The following ARHGAP6 variants were observed in gnomAD, a reference collection of about 807,000 sequenced individuals.
The protein encoded by ARHGAP6 is rho GTPase-activating protein 6.
Under a neutral mutation model 55.7 loss-of-function variants are expected in ARHGAP6, and 16 were observed. That is an observed-to-expected ratio of 0.29 (90% CI 0.19 to 0.44). ARHGAP6 has a LOEUF of 0.44. Among genes scored for constraint, ARHGAP6 ranks in the 20% least tolerant of loss-of-function variants. ARHGAP6 has a pLI of 1.00. For missense variants in ARHGAP6, 698 were observed against 808.9 expected (o/e 0.86, Z 1.66); for synonymous variants, 382 against 360.9 (o/e 1.06, Z -0.66).
chrX:11,281,232 C>T (rs968810751), intron 1 of ARHGAP6, among the ~76,000 whole-genome samples: 1 of 110,723 alleles, frequency 9.0e-6, no homozygotes, highest in African/African-American at 3.3e-5. Flanking sequence ...ATATATGCTA[C>T]AAAAATACAG....
At chrX:11,428,550 C>T (rs1485538764) in intron 1 of ARHGAP6, among the ~76,000 whole-genome samples, 1 of 112,010 alleles carries the variant, frequency 8.9e-6, no homozygotes, top group East Asian at 2.8e-4. Context: ...GGCCTGGGGC[C>T]AGAGTAGAGA....
At chrX:11,360,028 A>G (rs1265473447) in intron 1 of ARHGAP6, among the ~76,000 whole-genome samples, 1 of 111,738 alleles carries the variant, frequency 8.9e-6, no homozygotes, top group Non-Finnish European at 1.9e-5. Context: ...CTTACCAACC[A>G]AAAAGAGTCC....
intron 1 of ARHGAP6, among the ~76,000 whole-genome samples, chrX:11,587,315 T>C (rs1033768731): frequency 2.7e-5 from 3 of 111,913 alleles, no homozygotes; most frequent in African/African-American, 9.8e-5. Flanking sequence ...GTGTTTGTCA[T>C]AGGTGGCTGT....
chrX:11,179,840 G>T (rs1024670847), intron 6 of ARHGAP6, among the ~76,000 whole-genome samples: 1 of 106,950 alleles, frequency 9.4e-6, no homozygotes, highest in African/African-American at 3.4e-5. Context: ...ATGCAGAAGG[G>T]CTTGGTAATG....
chrX:11,590,519 C>G (rs947935794), intron 1 of ARHGAP6, among the ~76,000 whole-genome samples: 1 of 109,428 alleles, frequency 9.1e-6, no homozygotes, highest in Non-Finnish European at 1.9e-5. Context: ...AGTGCAGTAG[C>G]TCACGCCTGT....
At chrX:11,233,982 T>C (rs1357229125) in intron 2 of ARHGAP6, among the ~76,000 whole-genome samples, 1 of 112,556 alleles carries the variant, frequency 8.9e-6, no homozygotes, top group Non-Finnish European at 1.9e-5. Flanking sequence ...GGCTTAAAAT[T>C]CTACTAGGTG....
chrX:11,227,800 CTT>C (rs772345343), intron 2 of ARHGAP6, among the ~76,000 whole-genome samples: 9 of 101,705 alleles, frequency 8.8e-5, no homozygotes, highest in Admixed American at 2.1e-4. Flanking sequence ...TTTCTTTTTT[CTT>C]TTTTTTTTTT....
chrX:11,176,300 CATATAT>C (rs59647126), intron 8 of ARHGAP6, among the ~76,000 whole-genome samples: 515 of 15,531 alleles, frequency 0.033, 12 homozygotes, highest in Non-Finnish European at 0.065. Flanking sequence ...TATTTGCATG[CATATAT>C]ATATATATAT....
chrX:11,391,730 C>T (rs1466369564), intron 1 of ARHGAP6, among the ~76,000 whole-genome samples: 1 of 112,492 alleles, frequency 8.9e-6, no homozygotes, highest in Admixed American at 9.4e-5. Flanking sequence ...AAATCAGAAG[C>T]TCTAGGAGTG....
intron 9 of ARHGAP6, among the ~76,000 whole-genome samples, chrX:11,165,144 AAAT>A (rs2046001266): frequency 9.0e-6 from 1 of 111,555 alleles, no homozygotes; most frequent in African/African-American, 3.3e-5. Context: ...ATCGAAACAA[AAAT>A]ACATTTTTTT....
At chrX:11,336,223 T>C (rs1171003148) in intron 1 of ARHGAP6, among the ~76,000 whole-genome samples, 1 of 111,532 alleles carries the variant, frequency 9.0e-6, no homozygotes, top group African/African-American at 3.3e-5. Flanking sequence ...TTAAAATAAC[T>C]AATGATCATA....
intron 1 of ARHGAP6, among the ~76,000 whole-genome samples, chrX:11,352,476 T>C (rs2048874707): frequency 8.9e-6 from 1 of 111,772 alleles, no homozygotes; most frequent in Admixed American, 9.5e-5. Flanking sequence ...CAGAAACCAC[T>C]GAGGACCAAA....
intron 2 of ARHGAP6, among the ~76,000 whole-genome samples, chrX:11,204,252 T>A (rs1478748549): frequency 8.9e-6 from 1 of 112,257 alleles, no homozygotes; most frequent in African/African-American, 3.2e-5. Context: ...GTTCTGTGGC[T>A]TCTCTTCTCC....
intron 1 of ARHGAP6, among the ~76,000 whole-genome samples, chrX:11,591,273 T>A (rs1331766368): frequency 1.8e-5 from 2 of 110,014 alleles, no homozygotes; most frequent in African/African-American, 6.5e-5. Flanking sequence ...TTATCCCACA[T>A]ACAGATACTG....
At chrX:11,449,936 G>A (rs180749580) in intron 1 of ARHGAP6, among the ~76,000 whole-genome samples, 2 of 111,640 alleles carry the variant, frequency 1.8e-5, no homozygotes, top group African/African-American at 6.5e-5. Context: ...AACACTCTAA[G>A]ACACACAGGT....
At chrX:11,482,251 ACT>A (rs992953279) in intron 1 of ARHGAP6, among the ~76,000 whole-genome samples, 1 of 111,802 alleles carries the variant, frequency 8.9e-6, no homozygotes, top group African/African-American at 3.3e-5. Flanking sequence ...GGGAGGAGAA[ACT>A]CTACTCTCAG....
intron 1 of ARHGAP6, among the ~76,000 whole-genome samples, chrX:11,490,646 C>T (rs2050558289): frequency 8.9e-6 from 1 of 112,135 alleles, no homozygotes; most frequent in Non-Finnish European, 1.9e-5. Context: ...CCAGATGGTG[C>T]TGTGATTTCA....
intron 1 of ARHGAP6, among the ~76,000 whole-genome samples, chrX:11,514,295 CA>C (rs940452970): frequency 1.8e-5 from 2 of 109,744 alleles, no homozygotes; most frequent in African/African-American, 6.6e-5. Flanking sequence ...TTTTCATGAG[CA>C]AGATGGATTT....
chrX:11,360,951 G>A (rs1430930200), intron 1 of ARHGAP6, among the ~76,000 whole-genome samples: 3 of 111,100 alleles, frequency 2.7e-5, no homozygotes, highest in Non-Finnish European at 5.6e-5. Context: ...TACAAGGGAC[G>A]TGGAGGACCT....
Sources: gnomAD v4.1 joint callset for allele counts (sites outside exome capture counted in the v4.1 genomes callset) on GRCh38, gnomAD v4.1.1 for gene constraint, MANE v1.5 for transcripts, NCBI Gene and HGNC (gene_info 2026-07-23, HGNC 2026-07-21) for gene names.